Variants in CPA6 observed in about 807,000 individuals in gnomAD.
CPA6 encodes the protein carboxypeptidase A6.
A neutral mutation model predicts 63.3 loss-of-function variants in CPA6; 58 were observed. The observed-to-expected ratio is 0.92, with a 90% CI of 0.74 to 1.14. The LOEUF (loss-of-function observed/expected upper bound fraction) is 1.14. CPA6 is among the 50% of genes most tolerant of loss of function. The probability of loss-of-function intolerance (pLI) is 0.00; values close to 1 mark genes in which losing one functional copy is unlikely to be tolerated. For synonymous variants in CPA6, 185 were observed against 179.0 expected, an observed-to-expected ratio of 1.03 and a Z score of -0.27; for missense variants, 565 against 526.6, an observed-to-expected ratio of 1.07 and a Z score of -0.71.
intron 1 of CPA6, among the ~76,000 whole-genome samples, chr8:67,658,101 C>A (rs548349258): frequency 2.2e-4 from 33 of 152,104 alleles, no homozygotes; most frequent in Non-Finnish European, 4.6e-4. Context: ...CCTCCTACAG[C>A]GAATACTCTT....
intron 8 of CPA6, among the ~76,000 whole-genome samples, chr8:67,482,473 A>T (rs1411069791): frequency 6.6e-6 from 1 of 152,212 alleles, no homozygotes; most frequent in Admixed American, 6.5e-5. Context: ...ACCACATCAT[A>T]GTATTTATAC....
intron 1 of CPA6, among the ~76,000 whole-genome samples, chr8:67,639,006 TAGG>T (rs1203778654): frequency 6.6e-6 from 1 of 151,382 alleles, no homozygotes; most frequent in Non-Finnish European, 1.5e-5. Flanking sequence ...TTCTAACAAA[TAGG>T]AGCTTACTAT....
Position 67,734,543 on chromosome 8 carries a change from G to A in CPA6, c.116+11471C>T, listed in dbSNP as rs536434176. 4.6e-5 allele frequency among the ~76,000 whole-genome samples: 7 copies of A among 152,196 alleles called. No homozygotes were observed. The South Asian group carries it at 1.5e-3, about 32-fold the overall frequency. ...TTCCACAAAGAGTTCTGAAAACTTA[G>A]GGAGAACTGGACTCCCCCATATGTA... On this transcript the variant is annotated intron_variant, in intron 1 of 10. Coordinates refer to ENST00000297770, the MANE Select transcript of CPA6 (RefSeq NM_020361.5).
At chr8:67,551,070 A>G (rs1232883581) in intron 2 of CPA6, among the ~76,000 whole-genome samples, 1 of 151,932 alleles carries the variant, frequency 6.6e-6, no homozygotes, top group African/African-American at 2.4e-5. Context: ...TTTTGTTGCA[A>G]TTGCTTTTGA....
chr8:67,485,104 C>T (rs961226360), intron 6 of CPA6, among the ~76,000 whole-genome samples: 3 of 152,130 alleles, frequency 2.0e-5, no homozygotes, highest in Non-Finnish European at 2.9e-5. Flanking sequence ...GTATAACCAC[C>T]TGTTTTTAGA....
intron 1 of CPA6, among the ~76,000 whole-genome samples, chr8:67,698,449 A>G (rs1299336981): frequency 1.3e-5 from 2 of 152,184 alleles, no homozygotes; most frequent in Non-Finnish European, 2.9e-5. Flanking sequence ...GATTATTCCA[A>G]TTGGGATCCT....
At chr8:67,451,985 C>T (rs952936508) in intron 8 of CPA6, among the ~76,000 whole-genome samples, 2 of 152,128 alleles carry the variant, frequency 1.3e-5, no homozygotes, top group Non-Finnish European at 2.9e-5. Flanking sequence ...CAAATCAATG[C>T]TTATTATCAA....
In CPA6 at chr8:67,494,854, A is replaced by G. The variant is rs573958573; in HGVS notation, c.637-10065T>C. ...CTTACACACAACTTTGTTACAGCAGACAAAATCACTGGAATTTATTCTTGG... is the reference window on the plus strand; with the variant it reads ...CTTACACACAACTTTGTTACAGCAGGCAAAATCACTGGAATTTATTCTTGG... On this transcript the variant is annotated intron_variant, in intron 6 of 10. Transcript: ENST00000297770. 5.3e-5 allele frequency among the ~76,000 whole-genome samples: 8 copies of G among 152,324 alleles called. No homozygotes were observed. The Middle Eastern group carries it at 0.017, about 324-fold the overall frequency.
chr8:67,633,477 C>T (rs957524298), intron 1 of CPA6, among the ~76,000 whole-genome samples: 1 of 152,044 alleles, frequency 6.6e-6, no homozygotes, highest in Non-Finnish European at 1.5e-5. Flanking sequence ...GTCAGGAGAT[C>T]GAGACCATCA....
intron 1 of CPA6, among the ~76,000 whole-genome samples, chr8:67,737,010 C>T (rs1223815460): frequency 6.6e-6 from 1 of 152,216 alleles, no homozygotes; most frequent in African/African-American, 2.4e-5. Flanking sequence ...CATAACATCC[C>T]AGTCATCTTG....
intron 1 of CPA6, among the ~76,000 whole-genome samples, chr8:67,637,963 T>G (rs1027825104): frequency 2.0e-5 from 3 of 148,448 alleles, no homozygotes; most frequent in African/African-American, 7.8e-5. Context: ...AAGAAAGCCC[T>G]TAGTAATGCT....
intron 3 of CPA6, among the ~76,000 whole-genome samples, chr8:67,512,028 C>T (rs897371392): frequency 6.6e-6 from 1 of 152,048 alleles, no homozygotes; most frequent in Non-Finnish European, 1.5e-5. Context: ...AGCTAATAGC[C>T]CTATAGTCTA....
At chr8:67,533,324 T>C (rs1812517443) in intron 2 of CPA6, among the ~76,000 whole-genome samples, 1 of 152,230 alleles carries the variant, frequency 6.6e-6, no homozygotes, top group Non-Finnish European at 1.5e-5. Context: ...TATTTTAGAT[T>C]GATAATTGTT....
Position 67,746,289 on chromosome 8 carries a change from A to G in CPA6, c.-160T>C, listed in dbSNP as rs951098557. The G allele has an allele frequency of 2.4e-5, 11 of 455,956 alleles. No individual in the cohort carries two copies. Among genetic ancestry groups the G allele is most frequent in the Non-Finnish European group, 3.6e-5 (9 of 250,010 alleles). 28.2% of individuals were successfully genotyped at this position (455,956 alleles called of 1,614,324 possible). ...TGACACTTCTCTCCAGCTACAAGGGAAAAAAAAAGTTCAGGCAGCTGAGGA... is the reference window on the plus strand; with the variant it reads ...TGACACTTCTCTCCAGCTACAAGGGGAAAAAAAAGTTCAGGCAGCTGAGGA... On this transcript the variant is annotated 5_prime_UTR_variant, in exon 1 of 11. Transcript: ENST00000297770.
chr8:67,644,263 C>T (rs1183480480), intron 1 of CPA6, among the ~76,000 whole-genome samples: 2 of 152,128 alleles, frequency 1.3e-5, no homozygotes, highest in Admixed American at 1.3e-4. Context: ...GGACTACAGG[C>T]GCCCGCCACC....
chr8:67,468,481 G>C (rs1385617544), intron 8 of CPA6, among the ~76,000 whole-genome samples: 1 of 151,900 alleles, frequency 6.6e-6, no homozygotes, highest in Non-Finnish European at 1.5e-5. Context: ...AGCTACTCGG[G>C]AGGCTGAGGC....
At chr8:67,444,085 G>A (rs1233452955) in intron 8 of CPA6, among the ~76,000 whole-genome samples, 7 of 150,040 alleles carry the variant, frequency 4.7e-5, no homozygotes, top group Non-Finnish European at 1.0e-4. Flanking sequence ...TCCGCCTCCC[G>A]GGTTCACGCC....
chr8:67,465,226 T>G (rs2128957751), intron 8 of CPA6, among the ~76,000 whole-genome samples: 1 of 152,288 alleles, frequency 6.6e-6, no homozygotes, highest in Non-Finnish European at 1.5e-5. Context: ...ATCTTTCACT[T>G]TCTTGATGTA....
chr8:67,497,901 AGGCTGGTCTTGAACTCCT>A (rs1241790292), intron 6 of CPA6, among the ~76,000 whole-genome samples: 1 of 146,890 alleles, frequency 6.8e-6, no homozygotes, highest in Admixed American at 6.9e-5. Flanking sequence ...CATGTTGTCC[AGGCTGGTCTTGAACTCCT>A]GGCCTCAAGT....
Sources: gnomAD v4.1 joint callset for allele counts (sites outside exome capture counted in the v4.1 genomes callset) on GRCh38, gnomAD v4.1.1 for gene constraint, MANE v1.5 for transcripts, NCBI Gene and HGNC (gene_info 2026-07-23, HGNC 2026-07-21) for gene names.